Variants in CEP63 observed in about 807,000 individuals in gnomAD.
CEP63 encodes the protein centrosomal protein of 63 kDa.
CEP63 carries 84 observed loss-of-function variants against 89.1 expected under a neutral mutation model. The ratio of observed to expected loss-of-function variants is 0.94; its 90% CI spans 0.79 to 1.13. The LOEUF is 1.13. Among genes scored for constraint, CEP63 ranks in the 50% most tolerant of loss-of-function variants. CEP63 has a pLI of 0.00. For missense variants in CEP63, 838 were observed against 813.3 expected (o/e 1.03, Z -0.37); for synonymous variants, 267 against 272.5 (o/e 0.98, Z 0.20).
At chr3:134,684,317 G>A in the CEP63 span, among the ~76,000 whole-genome samples, 2 of 152,212 alleles carry the variant, frequency 1.3e-5, no homozygotes, top group East Asian at 1.9e-4. Context: ...AGATCATGCC[G>A]CCCAGATAAA....
the CEP63 span, among the ~76,000 whole-genome samples, chr3:134,760,199 C>T: frequency 1.3e-5 from 2 of 151,886 alleles, no homozygotes; most frequent in African/African-American, 4.8e-5. Flanking sequence ...GCTGGGACTA[C>T]AGGCGCCCGC....
At chr3:134,593,790 G>A in the CEP63 span, among the ~76,000 whole-genome samples, 1 of 152,348 alleles carries the variant, frequency 6.6e-6, no homozygotes, top group Middle Eastern at 3.4e-3. Context: ...TAACACTCTT[G>A]TTGAGCTTTA....
chr3:134,553,930 T>TAA (rs55948358), intron 12 of CEP63, among the ~76,000 whole-genome samples: 151,819 of 152,334 alleles, frequency 1, 75,657 homozygotes, highest in Middle Eastern at 1. Flanking sequence ...TGAAATAAAC[T>TAA]ATATTTATTT....
chr3:134,554,238 C>A lies in CEP63; in HGVS notation c.1467+2226C>A, dbSNP rs1023963125. 1.4e-3 allele frequency among the ~76,000 whole-genome samples: 219 copies of A among 151,430 alleles called. 5 individuals carry two copies. Among genetic ancestry groups the A allele is most frequent in the Admixed American group, 0.012 (188 of 15,194 alleles). On this transcript the variant is annotated intron_variant, in intron 12 of 14. Coordinates refer to ENST00000675561, the MANE Select transcript of CEP63 (RefSeq NM_001353108.3). ...CCCAATGCTATCCCTCCCCCCTTCC[C>A]CCACCCCACAACAGTCCCCAGAGTG...
At chr3:134,635,021 A>C in the CEP63 span, among the ~76,000 whole-genome samples, 1 of 152,254 alleles carries the variant, frequency 6.6e-6, no homozygotes, top group East Asian at 1.9e-4. Flanking sequence ...TGTACTTACC[A>C]TACAACCTAA....
the CEP63 span, among the ~76,000 whole-genome samples, chr3:134,611,032 C>G: frequency 6.6e-6 from 1 of 152,210 alleles, no homozygotes; most frequent in Non-Finnish European, 1.5e-5. Flanking sequence ...CCAGTTTGCT[C>G]AGGTCTGACT....
chr3:134,619,749 G>C, the CEP63 span, among the ~76,000 whole-genome samples: 5 of 152,230 alleles, frequency 3.3e-5, no homozygotes, highest in Non-Finnish European at 7.3e-5. Flanking sequence ...CCTGTGGTGA[G>C]GCCCTAAGGC....
At chr3:134,589,428 C>T (rs1221090573), downstream of CEP63, among the ~76,000 whole-genome samples, 1 of 152,098 alleles carries the variant, frequency 6.6e-6, no homozygotes, top group Non-Finnish European at 1.5e-5. Flanking sequence ...ATATTGAGCA[C>T]TTTCTCCCTG....
At chr3:134,697,182 G>A in the CEP63 span, among the ~76,000 whole-genome samples, 2 of 152,230 alleles carry the variant, frequency 1.3e-5, no homozygotes, top group South Asian at 4.1e-4. Context: ...TCTCCTGTGA[G>A]ACAGGGAATG....
chr3:134,526,861 A>C (rs1170067833), intron 3 of CEP63, among the ~76,000 whole-genome samples: 1 of 151,610 alleles, frequency 6.6e-6, no homozygotes, highest in Non-Finnish European at 1.5e-5. Context: ...TTGTTTCTGG[A>C]AGATTTTCGG....
At chr3:134,758,521 G>A in the CEP63 span, among the ~76,000 whole-genome samples, 30 of 152,294 alleles carry the variant, frequency 2.0e-4, no homozygotes, top group African/African-American at 6.7e-4. Flanking sequence ...TGCGGGGTGG[G>A]TGTTCTTCGG....
chr3:134,679,297 C>T, the CEP63 span, among the ~76,000 whole-genome samples: 1 of 152,192 alleles, frequency 6.6e-6, no homozygotes, highest in South Asian at 2.1e-4. Flanking sequence ...AAGTAACTTG[C>T]TCAAGGCCCC....
At chr3:134,756,096 C>T in the CEP63 span, among the ~76,000 whole-genome samples, 18 of 152,258 alleles carry the variant, frequency 1.2e-4, no homozygotes, top group East Asian at 3.5e-3. Context: ...CTTGCCCAGC[C>T]CGAGCAGGGC....
At chr3:134,565,701 A>C (rs1957726200), downstream of CEP63, among the ~76,000 whole-genome samples, 1 of 152,080 alleles carries the variant, frequency 6.6e-6, no homozygotes, top group African/African-American at 2.4e-5. Flanking sequence ...AAGGCAGCCA[A>C]GTTACCTCTG....
downstream of CEP63, among the ~76,000 whole-genome samples, chr3:134,577,761 T>C (rs559352332): frequency 6.6e-6 from 1 of 152,266 alleles, no homozygotes; most frequent in Non-Finnish European, 1.5e-5. Flanking sequence ...CCTAATGCTC[T>C]CCCTCATCTT....
At chr3:134,699,498 G>T in the CEP63 span, among the ~76,000 whole-genome samples, 2 of 152,226 alleles carry the variant, frequency 1.3e-5, no homozygotes, top group African/African-American at 4.8e-5. Context: ...TACAATTTCT[G>T]TCAGGAGAGG....
chr3:134,674,015 A>C, the CEP63 span, among the ~76,000 whole-genome samples: 2 of 152,230 alleles, frequency 1.3e-5, no homozygotes, highest in African/African-American at 2.4e-5. Flanking sequence ...AGCAAAATTC[A>C]TTCCATTGGA....
At chr3:134,606,529 C>T in the CEP63 span, among the ~76,000 whole-genome samples, 1 of 152,226 alleles carries the variant, frequency 6.6e-6, no homozygotes, top group Non-Finnish European at 1.5e-5. Context: ...GCTGAGTTCC[C>T]TGGCAGCTTC....
At chr3:134,692,103 AATT>A in the CEP63 span, among the ~76,000 whole-genome samples, 91 of 79,534 alleles carry the variant, frequency 1.1e-3, no homozygotes, top group African/African-American at 4.2e-3. Context: ...TTTTTTTTTT[AATT>A]AATTAATTAA....
Sources: allele counts gnomAD v4.1 joint callset (sites outside exome capture counted in the v4.1 genomes callset), GRCh38; gene constraint gnomAD v4.1.1; transcripts MANE v1.5; gene names NCBI Gene and HGNC (gene_info 2026-07-23, HGNC 2026-07-21).